ERBIN: variants seen among roughly 807,000 people sequenced by gnomAD.
The protein encoded by ERBIN is erbb2 interacting protein.
A neutral mutation model predicts 158.4 loss-of-function variants in ERBIN; 60 were observed. The ratio of observed to expected loss-of-function variants is 0.38; its 90% CI spans 0.31 to 0.47. The LOEUF is 0.47. Among genes scored for constraint, ERBIN ranks in the 20% least tolerant of loss-of-function variants. The pLI, the probability that ERBIN is intolerant of heterozygous loss-of-function variation, is 0.99. For synonymous variants in ERBIN, 594 were observed against 557.2 expected (o/e 1.07, Z -0.93); for missense variants, 1,610 against 1,648.0 (o/e 0.98, Z 0.40).
Position 66,023,456 on chromosome 5 carries a change from T to G in ERBIN, c.672+92T>G, listed in dbSNP as rs1415317997. 4.3e-6 allele frequency: 3 copies of G among 698,450 alleles called. No individual in the cohort carries two copies. The East Asian group carries it at 9.1e-5, about 21-fold the overall frequency. The allele number at this position is 698,450 out of a possible 1,614,324, so 43.3% of individuals were successfully genotyped here. ...ACCTTTTATAATTACTTTTAATTAA[T>G]AAAAAAATTGAATTATTCTTTATTA... On this transcript the variant is annotated intron_variant, in intron 9 of 25. Transcript: ENST00000284037.
chr5:66,062,947 C>T (rs1425070540), intron 21 of ERBIN, among the ~76,000 whole-genome samples: 3 of 152,186 alleles, frequency 2.0e-5, no homozygotes, highest in African/African-American at 4.8e-5. Flanking sequence ...TCAGTCTGCC[C>T]CTACTGGGGG....
chr5:66,003,846 A>T (rs1753252706), intron 4 of ERBIN, among the ~76,000 whole-genome samples: 1 of 151,780 alleles, frequency 6.6e-6, no homozygotes, highest in Non-Finnish European at 1.5e-5. Flanking sequence ...TTCTTCTGTA[A>T]CTGAGAGTGA....
intron 1 of ERBIN, among the ~76,000 whole-genome samples, chr5:65,950,442 G>A (rs895092892): frequency 3.9e-5 from 6 of 152,030 alleles, no homozygotes; most frequent in Non-Finnish European, 5.9e-5. Context: ...GTTAGATTGT[G>A]GATATTTAGA....
chr5:65,947,138 T>C (rs1745861909), intron 1 of ERBIN, among the ~76,000 whole-genome samples: 1 of 152,210 alleles, frequency 6.6e-6, no homozygotes, highest in South Asian at 2.1e-4. Context: ...TGGATTGTGC[T>C]TCTGTTGTGA....
chr5:66,015,527 G>C (rs1219838568), intron 7 of ERBIN, among the ~76,000 whole-genome samples: 1 of 152,104 alleles, frequency 6.6e-6, no homozygotes, highest in Non-Finnish European at 1.5e-5. Context: ...CTCTATCACT[G>C]TAGGCCCTAA....
chr5:65,950,736 C>T lies in ERBIN; in HGVS notation c.-58+23930C>T, dbSNP rs141099448. 2.0e-3 allele frequency among the ~76,000 whole-genome samples: 308 copies of T among 151,920 alleles called. 1 individual carries two copies. The highest frequency in any genetic ancestry group is 7.0e-3 in the African/African-American group (292 of 41,448). Reference sequence around the variant, plus strand: ...CCATATAGATATTTTCGGGGAGATACTTTGATACTATTTCTCCTTAAAGGT... The same window carrying T: ...CCATATAGATATTTTCGGGGAGATATTTTGATACTATTTCTCCTTAAAGGT... On this transcript the variant is annotated intron_variant, in intron 1 of 25. Coordinates refer to ENST00000284037, the MANE Select transcript of ERBIN (RefSeq NM_001253697.2).
At chr5:66,065,753 G>A (rs532680171) in intron 21 of ERBIN, among the ~76,000 whole-genome samples, 1 of 151,784 alleles carries the variant, frequency 6.6e-6, no homozygotes, top group Admixed American at 6.6e-5. Context: ...ATTTTCCCAG[G>A]ATGATATATA....
chr5:66,005,879 C>T (rs1171388487), intron 4 of ERBIN, among the ~76,000 whole-genome samples: 1 of 152,126 alleles, frequency 6.6e-6, no homozygotes, highest in African/African-American at 2.4e-5. Context: ...CAAACCACTA[C>T]TCAATGAAAT....
chr5:65,947,968 C>T (rs1180749085), intron 1 of ERBIN, among the ~76,000 whole-genome samples: 1 of 150,660 alleles, frequency 6.6e-6, no homozygotes. Flanking sequence ...GATAATGCCA[C>T]CATTCCACTC....
chr5:66,026,363 C>T lies in ERBIN; in HGVS notation c.1082C>T (p.Pro361Leu). The change falls in exon 13 of 26, where the codon CCA (proline) becomes CTA (leucine). Residue 361 changes from proline (P) to leucine (L), a missense_variant. Physicochemically the swap from Pro to Leu is moderately conservative, Grantham distance 98 (BLOSUM62 -3). This residue lies in a region of ERBIN where 596 missense variants were observed against 711.9 expected (regional missense o/e 0.84). Transcript: ENST00000284037. ...CATTCCAATAAACTTGAGACACTTCCAGAGGAAATGGGTGATATGCAAAAA... is the reference window on the plus strand; with the variant it reads ...CATTCCAATAAACTTGAGACACTTCTAGAGGAAATGGGTGATATGCAAAAA... ...FLHSNKLETL[P>L]EEMGDMQKLK... The T allele has an allele frequency of 6.2e-7, 1 of 1,601,028 alleles. No individual in the cohort carries two copies. Among genetic ancestry groups the T allele is most frequent in the Non-Finnish European group, 8.5e-7 (1 of 1,174,324 alleles).
chr5:66,028,716 C>T (rs1034172901), intron 14 of ERBIN, among the ~76,000 whole-genome samples: 1 of 152,116 alleles, frequency 6.6e-6, no homozygotes, highest in Non-Finnish European at 1.5e-5. Context: ...ACTGTAGTCA[C>T]CATGTTGTAC....
chr5:65,970,653 CAT>C (rs1270009469), intron 1 of ERBIN, among the ~76,000 whole-genome samples: 1 of 152,212 alleles, frequency 6.6e-6, no homozygotes, highest in African/African-American at 2.4e-5. Flanking sequence ...AGTCGTGAAT[CAT>C]AGCTCATCGT....
chr5:66,053,654 A>C lies in ERBIN; in HGVS notation c.2336A>C (p.Glu779Ala), dbSNP rs761976440. Residue 779 changes from glutamate to alanine, a missense_variant, in exon 21 of 26, where the codon GAG (glutamate) becomes GCG (alanine). Transcript: ENST00000284037. ...KLITNDTFQP[E>A]IMERSKTQDI... is the part of the protein sequence containing the mutation. ...ATAACTAATGATACATTTCAACCAG[A>C]GATCATGGAAAGATCAAAAACACAG... 1.2e-6 allele frequency: 2 copies of C among 1,613,340 alleles called. No individual in the cohort carries two copies. Among genetic ancestry groups the C allele is most frequent in the East Asian group, 4.5e-5 (2 of 44,864 alleles).
In ERBIN at chr5:66,050,837, A is replaced by C; in HGVS notation, c.1958A>C (p.Gln653Pro). The C allele has an allele frequency of 1.9e-6, 3 of 1,598,064 alleles. No individual in the cohort carries two copies. The highest frequency in any genetic ancestry group is 2.6e-6 in the Non-Finnish European group (3 of 1,174,564). The part of the protein sequence containing the change: ...LSDEVTHNSN[Q>P]NNSNCSSPSR... ...GATGAAGTTACACACAATAGCAATCAGAATAACAGCAATTGTTCTTCTCCA... is the reference window on the plus strand; with the variant it reads ...GATGAAGTTACACACAATAGCAATCCGAATAACAGCAATTGTTCTTCTCCA... Residue 653 changes from glutamine (Q) to proline (P), a missense_variant, in exon 20 of 26, where the codon CAG (glutamine) becomes CCG (proline). Gln to Pro is a moderately conservative substitution (Grantham distance 76). Transcript: ENST00000284037.
rs1368912760 is a variant in ERBIN at position 66,075,211 on chromosome 5, A to G, written c.3944A>G (p.His1315Arg). The change falls in exon 23 of 26, where the codon CAT becomes CGT. Residue 1315 changes from histidine to arginine, a missense_variant. Physicochemically the swap from His to Arg is conservative, Grantham distance 29 (BLOSUM62 0). Around this residue, in one of 2 missense-constraint regions of ERBIN, gnomAD observed 1,014 missense variants for 936.1 expected, o/e 1.08. Coordinates refer to ENST00000284037, the MANE Select transcript of ERBIN (RefSeq NM_001253697.2). ...CCCCATTGTTCTCCTAGACAAGGCC[A>G]TGAACTGGCAAAACAAGAGGTAAGA... ...TQPHCSPRQG[H>R]ELAKQEIRVR... The G allele has an allele frequency of 1.2e-6, 2 of 1,614,074 alleles. No homozygotes were observed. Among genetic ancestry groups the G allele is most frequent in the Non-Finnish European group, 1.7e-6 (2 of 1,180,002 alleles).
At chr5:66,016,789 A>G (rs1228757647) in intron 7 of ERBIN, among the ~76,000 whole-genome samples, 3 of 151,820 alleles carry the variant, frequency 2.0e-5, no homozygotes, top group African/African-American at 7.2e-5. Flanking sequence ...AATTTTTTGT[A>G]TTTTTAGTAG....
chr5:66,061,788 C>G (rs1448734037), intron 21 of ERBIN, among the ~76,000 whole-genome samples: 1 of 152,134 alleles, frequency 6.6e-6, no homozygotes, highest in African/African-American at 2.4e-5. Context: ...TATTTTATTT[C>G]TCCTTCACTT....
intron 1 of ERBIN, among the ~76,000 whole-genome samples, chr5:65,959,407 A>G (rs1747669032): frequency 6.6e-6 from 1 of 152,282 alleles, no homozygotes; most frequent in East Asian, 1.9e-4. Context: ...TTAAAAACAC[A>G]GTTGATAGTG....
rs1457722139 is a variant in ERBIN at position 66,053,556 on chromosome 5, A to C, written c.2238A>C (p.Lys746Asn). Residue 746 changes from lysine (K) to asparagine (N), a missense_variant, in exon 21 of 26, where the codon AAA becomes AAC. By Grantham distance (94) the Lys-to-Asn change is moderately conservative. Coordinates refer to ENST00000284037, the MANE Select transcript of ERBIN (RefSeq NM_001253697.2). ...AAGAGCGATTAGTTCTAATTGAGAA[A>C]AGTGTTGACTCAACAGCCACAGCTG... is the stretch of plus-strand genomic sequence containing the variant. ...NVEERLVLIEKSVDSTATADD... is the reference protein window; with the variant it reads ...NVEERLVLIENSVDSTATADD... 6.2e-7 allele frequency: 1 copy of C among 1,610,960 alleles called. No homozygotes were observed. Among genetic ancestry groups the C allele is most frequent in the African/African-American group, 1.3e-5 (1 of 74,588 alleles).
Sources: allele counts gnomAD v4.1 joint callset (sites outside exome capture counted in the v4.1 genomes callset), GRCh38; gene constraint gnomAD v4.1.1; regional missense constraint gnomAD v4.1.1; transcripts MANE v1.5; gene names NCBI Gene and HGNC (gene_info 2026-07-23, HGNC 2026-07-21).